MAN1A2: variants seen among roughly 807,000 people sequenced by gnomAD.
The protein encoded by MAN1A2 is mannosyl-oligosaccharide 1,2-alpha-mannosidase IB.
A neutral mutation model predicts 75.7 loss-of-function variants in MAN1A2; 26 were observed. The ratio of observed to expected loss-of-function variants is 0.34; its 90% CI spans 0.25 to 0.48. The LOEUF is 0.48. Among genes scored for constraint, MAN1A2 ranks in the 20% least tolerant of loss-of-function variants. The probability of loss-of-function intolerance (pLI) is 0.99; values close to 1 mark genes in which losing one functional copy is unlikely to be tolerated. For missense variants in MAN1A2, 562 were observed against 775.5 expected (o/e 0.72, Z 3.27); for synonymous variants, 247 against 264.6 (o/e 0.93, Z 0.65).
chr1:117,509,453 G>A lies in MAN1A2; in HGVS notation c.1793+6483G>A, dbSNP rs752264873. Among the ~76,000 whole-genome samples, 15 of 151,828 alleles carry A rather than the reference G, an allele frequency of 9.9e-5. 1 individual carries two copies. The highest frequency in any genetic ancestry group is 2.7e-4 in the African/African-American group (11 of 41,384). On this transcript the variant is annotated intron_variant, in intron 12 of 12. Transcript: ENST00000356554. ...GTACACTGGAAGTATATTCTTTTTC[G>A]TTGTTGTTAAGGAAGCAAGGTCCAC...
chr1:117,376,624 T>A (rs1383186569), intron 1 of MAN1A2, among the ~76,000 whole-genome samples: 1 of 152,218 alleles, frequency 6.6e-6, no homozygotes, highest in Non-Finnish European at 1.5e-5. Flanking sequence ...TTTTGAAGCG[T>A]TTTGGTAAGG....
intron 8 of MAN1A2, among the ~76,000 whole-genome samples, chr1:117,487,853 G>A (rs918169824): frequency 2.0e-5 from 3 of 151,942 alleles, no homozygotes; most frequent in Non-Finnish European, 4.4e-5. Flanking sequence ...TACAAGTTAT[G>A]TGTTAACTTT....
At chr1:117,432,420 G>A (rs1471545107) in intron 5 of MAN1A2, among the ~76,000 whole-genome samples, 1 of 151,984 alleles carries the variant, frequency 6.6e-6, no homozygotes, top group Non-Finnish European at 1.5e-5. Context: ...ACCAATAGCA[G>A]GAGCAAATGG....
intron 11 of MAN1A2, among the ~76,000 whole-genome samples, chr1:117,501,601 G>A (rs1023009626): frequency 2.6e-5 from 4 of 151,786 alleles, no homozygotes; most frequent in Non-Finnish European, 4.4e-5. Context: ...ATGTGGTGGT[G>A]AAGACACATG....
chr1:117,471,541 A>G (rs886332463), intron 8 of MAN1A2, among the ~76,000 whole-genome samples: 1 of 151,960 alleles, frequency 6.6e-6, no homozygotes, highest in African/African-American at 2.4e-5. Context: ...ACATGTAGGC[A>G]TATAATCTAC....
chr1:117,487,075 A>G (rs1031621527), intron 8 of MAN1A2, among the ~76,000 whole-genome samples: 1 of 152,212 alleles, frequency 6.6e-6, no homozygotes, highest in South Asian at 2.1e-4. Flanking sequence ...GGTACTTTCA[A>G]GAAGCTCTGG....
chr1:117,509,786 G>A (rs995375778), intron 12 of MAN1A2, among the ~76,000 whole-genome samples: 2 of 147,002 alleles, frequency 1.4e-5, no homozygotes, highest in African/African-American at 5.0e-5. Flanking sequence ...ATTGCAAAAC[G>A]AGTTAAATAG....
At position 117,525,278 on chromosome 1, in the gene MAN1A2, A is replaced by T; in HGVS notation, c.*2321A>T. ...TCCTTACCTTCTATGTGATGGAAAG[A>T]CTAGAGCTTATAAAAGTACTTCCAT... On this transcript the variant is annotated 3_prime_UTR_variant, in exon 13 of 13. Coordinates refer to ENST00000356554, the MANE Select transcript of MAN1A2 (RefSeq NM_006699.5). 3.4e-6 allele frequency: 1 copy of T among 298,058 alleles called. No homozygotes were observed. Among genetic ancestry groups the T allele is most frequent in the Non-Finnish European group, 7.1e-6 (1 of 140,692 alleles). The allele number at this position is 298,058 out of a possible 1,614,324, so 18.5% of individuals were successfully genotyped here. A position where few individuals can be genotyped will look rare whatever the true frequency, so the allele number is the denominator to read the frequency against.
At chr1:117,493,960 C>T (rs935712191) in intron 9 of MAN1A2, 3 of 152,024 alleles carry the variant, frequency 2.0e-5, no homozygotes, top group Non-Finnish European at 4.4e-5. Flanking sequence ...TGGGTAAATA[C>T]TTAAATAATG....
intron 1 of MAN1A2, among the ~76,000 whole-genome samples, chr1:117,391,111 G>C (rs923571189): frequency 1.3e-5 from 2 of 152,236 alleles, no homozygotes; most frequent in African/African-American, 4.8e-5. Flanking sequence ...AGACTATCCA[G>C]ATACCTTTAT....
intron 8 of MAN1A2, among the ~76,000 whole-genome samples, chr1:117,478,654 A>G (rs1650396293): frequency 6.6e-6 from 1 of 151,906 alleles, no homozygotes; most frequent in African/African-American, 2.4e-5. Context: ...TTTCAGCATC[A>G]TTGGTTGAAA....
At chr1:117,454,981 C>T (rs1649533915) in intron 6 of MAN1A2, among the ~76,000 whole-genome samples, 1 of 151,912 alleles carries the variant, frequency 6.6e-6, no homozygotes. Flanking sequence ...CAAATGAAGG[C>T]AGGAATAGAG....
chr1:117,408,077 T>G (rs895574905), intron 3 of MAN1A2, among the ~76,000 whole-genome samples: 1 of 152,112 alleles, frequency 6.6e-6, no homozygotes. Flanking sequence ...GAGGAGGAAA[T>G]GTTGCTGGAT....
chr1:117,482,981 A>G (rs1046273523), intron 8 of MAN1A2, among the ~76,000 whole-genome samples: 6 of 152,092 alleles, frequency 3.9e-5, no homozygotes, highest in African/African-American at 1.4e-4. Flanking sequence ...TCCCAGCACC[A>G]TTTATTAAAT....
chr1:117,411,523 T>G (rs1271127122), intron 3 of MAN1A2, among the ~76,000 whole-genome samples: 1 of 151,784 alleles, frequency 6.6e-6, no homozygotes, highest in African/African-American at 2.4e-5. Context: ...AGCAAGGATT[T>G]TTTAGAACAC....
At chr1:117,390,184 C>T (rs1290064314) in intron 1 of MAN1A2, among the ~76,000 whole-genome samples, 2 of 152,060 alleles carry the variant, frequency 1.3e-5, no homozygotes, top group African/African-American at 4.8e-5. Flanking sequence ...TTTCAGTGTC[C>T]TGAAAGAGTT....
At chr1:117,510,688 A>G (rs1394161114) in intron 12 of MAN1A2, among the ~76,000 whole-genome samples, 1 of 152,096 alleles carries the variant, frequency 6.6e-6, no homozygotes, top group Non-Finnish European at 1.5e-5. Flanking sequence ...AATGTAATAT[A>G]TGAAATGATT....
intron 5 of MAN1A2, among the ~76,000 whole-genome samples, chr1:117,421,147 A>G (rs1038812449): frequency 2.0e-5 from 3 of 152,074 alleles, no homozygotes; most frequent in Admixed American, 1.3e-4. Flanking sequence ...ACCTAAGGTG[A>G]TGGAGAAGTG....
intron 11 of MAN1A2, among the ~76,000 whole-genome samples, chr1:117,500,619 T>C (rs941644345): frequency 6.6e-6 from 1 of 151,886 alleles, no homozygotes; most frequent in African/African-American, 2.4e-5. Context: ...CATTCAGACC[T>C]AGATAGTCCT....
Sources: gnomAD v4.1 joint callset for allele counts (sites outside exome capture counted in the v4.1 genomes callset) on GRCh38, gnomAD v4.1.1 for gene constraint, MANE v1.5 for transcripts, NCBI Gene and HGNC (gene_info 2026-07-23, HGNC 2026-07-21) for gene names.